NLGN1: variants seen among roughly 807,000 people sequenced by gnomAD.
NLGN1 encodes neuroligin-1.
In NLGN1, 12 loss-of-function variants were observed where a neutral mutation model predicts 65.5. The observed-to-expected ratio is 0.18, with a 90% confidence interval of 0.12 to 0.30. The LOEUF (loss-of-function observed/expected upper bound fraction) is 0.30, where lower values mean the gene tolerates loss of function less well. Ranked by LOEUF, NLGN1 falls within the 10% of genes least tolerant of loss-of-function variation. The pLI is 1.00. For synonymous variants in NLGN1, 350 were observed against 359.5 expected (o/e 0.97, Z 0.30); for missense variants, 750 against 1,007.1 (o/e 0.74, Z 3.46).
chr3:174,020,064 T>C (rs1727421967), intron 4 of NLGN1, among the ~76,000 whole-genome samples: 1 of 152,130 alleles, frequency 6.6e-6, no homozygotes, highest in Admixed American at 6.6e-5. Flanking sequence ...TGTATTTTAA[T>C]GCACACTTCT....
chr3:174,294,365 T>C, the NLGN1 span, among the ~76,000 whole-genome samples: 1 of 151,754 alleles, frequency 6.6e-6, no homozygotes, highest in Non-Finnish European at 1.5e-5. Flanking sequence ...AATCAGTACT[T>C]TTGGTCATGT....
chr3:173,497,968 G>C (rs1285481247), intron 2 of NLGN1, among the ~76,000 whole-genome samples: 1 of 151,574 alleles, frequency 6.6e-6, no homozygotes, highest in Non-Finnish European at 1.5e-5. Flanking sequence ...CTTTTTATAA[G>C]GTTTTAGTTA....
chr3:173,788,537 A>G (rs997849759), intron 3 of NLGN1, among the ~76,000 whole-genome samples: 15 of 152,220 alleles, frequency 9.9e-5, no homozygotes, highest in Admixed American at 7.2e-4. Context: ...TGATCCTATG[A>G]AATTGGTATA....
chr3:173,744,367 A>T (rs1435092858), intron 3 of NLGN1, among the ~76,000 whole-genome samples: 1 of 152,114 alleles, frequency 6.6e-6, no homozygotes, highest in African/African-American at 2.4e-5. Context: ...GGAGGCAATG[A>T]TAAGTAAAAG....
chr3:174,119,586 T>A (rs2152641327), intron 4 of NLGN1, among the ~76,000 whole-genome samples: 1 of 152,318 alleles, frequency 6.6e-6, no homozygotes, highest in East Asian at 1.9e-4. Flanking sequence ...TAACACATGC[T>A]ATTGTTAGAG....
At chr3:173,780,641 C>A (rs1165517786) in intron 3 of NLGN1, among the ~76,000 whole-genome samples, 2 of 152,048 alleles carry the variant, frequency 1.3e-5, no homozygotes, top group Non-Finnish European at 2.9e-5. Context: ...AGTATTATAA[C>A]TAGAGAAATT....
intron 3 of NLGN1, among the ~76,000 whole-genome samples, chr3:173,625,911 A>G (rs9814896): frequency 0.19 from 28,733 of 152,012 alleles, 3,032 homozygotes; most frequent in African/African-American, 0.27. Flanking sequence ...GTTACACTAT[A>G]AAAGATGATA....
intron 4 of NLGN1, among the ~76,000 whole-genome samples, chr3:174,222,627 C>A (rs1002945910): frequency 6.6e-6 from 1 of 152,218 alleles, no homozygotes; most frequent in Admixed American, 6.5e-5. Context: ...GACACAAAAT[C>A]TCATTAGATT....
chr3:173,738,284 A>G (rs1165015745), intron 3 of NLGN1, among the ~76,000 whole-genome samples: 2 of 151,414 alleles, frequency 1.3e-5, no homozygotes, highest in African/African-American at 4.8e-5. Flanking sequence ...TTTTCTTGTT[A>G]TTTGTGCTTT....
At chr3:173,694,136 A>G (rs573637516) in intron 3 of NLGN1, among the ~76,000 whole-genome samples, 1 of 152,212 alleles carries the variant, frequency 6.6e-6, no homozygotes, top group South Asian at 2.1e-4. Flanking sequence ...TGTATGATTT[A>G]TATTGCTTGT....
At chr3:174,119,107 G>A (rs866487263) in intron 4 of NLGN1, among the ~76,000 whole-genome samples, 40 of 152,070 alleles carry the variant, frequency 2.6e-4, no homozygotes, top group Non-Finnish European at 2.8e-4. Flanking sequence ...AGTAATACAT[G>A]TCTTTTATTG....
chr3:174,223,555 T>C (rs896244365), intron 4 of NLGN1, among the ~76,000 whole-genome samples: 1 of 152,146 alleles, frequency 6.6e-6, no homozygotes. Context: ...TGCCTTCAAC[T>C]AACACCTGCC....
chr3:174,028,935 A>T (rs1039296540), intron 4 of NLGN1, among the ~76,000 whole-genome samples: 7 of 152,080 alleles, frequency 4.6e-5, no homozygotes, highest in African/African-American at 1.7e-4. Flanking sequence ...CATCCCAGCC[A>T]TGGCTAAAAG....
rs115455774 is a variant in NLGN1, at chr3:173,556,714, G to A, written c.-320-47565G>A. ...TAGCTACTAGGGAGGCTGAGTAGGA[G>A]GATTGCTTAAGCCTAGGATGTCAAG... On this transcript the variant is annotated intron_variant, in intron 2 of 6. Coordinates refer to ENST00000457714, the Ensembl canonical transcript of NLGN1. Among the ~76,000 whole-genome samples the A allele has an allele frequency of 5.6e-3, 845 of 152,098 alleles. 10 individuals are homozygous for A. The highest frequency in any genetic ancestry group is 0.019 in the African/African-American group (803 of 41,472).
At chr3:173,984,807 G>A (rs2152399805) in intron 4 of NLGN1, among the ~76,000 whole-genome samples, 1 of 152,312 alleles carries the variant, frequency 6.6e-6, no homozygotes, top group South Asian at 2.1e-4. Context: ...ACTTTGGGAG[G>A]CTGAGGCAGG....
intron 4 of NLGN1, among the ~76,000 whole-genome samples, chr3:174,261,853 G>A (rs201868230): frequency 0.015 from 2,292 of 148,160 alleles, 50 homozygotes; most frequent in African/African-American, 0.035. Flanking sequence ...TTTGAAATAC[G>A]TCCCATCAAT....
chr3:174,111,638 A>G (rs188737869), intron 4 of NLGN1, among the ~76,000 whole-genome samples: 1 of 151,896 alleles, frequency 6.6e-6, no homozygotes, highest in African/African-American at 2.4e-5. Context: ...ATAAAACCCT[A>G]AAAAAAGGAA....
intron 4 of NLGN1, among the ~76,000 whole-genome samples, chr3:173,913,014 C>T (rs981569590): frequency 3.3e-5 from 5 of 152,124 alleles, no homozygotes; most frequent in Admixed American, 2.6e-4. Flanking sequence ...ACAACAGCGA[C>T]TAGAATGCAT....
At chr3:173,968,756 T>C (rs1426362770) in intron 4 of NLGN1, among the ~76,000 whole-genome samples, 3 of 131,396 alleles carry the variant, frequency 2.3e-5, no homozygotes, top group Non-Finnish European at 4.7e-5. Flanking sequence ...TGGAGTGCAA[T>C]GGCGCAATCT....
Sources: gnomAD v4.1 joint callset for allele counts (sites outside exome capture counted in the v4.1 genomes callset) on GRCh38, gnomAD v4.1.1 for gene constraint, MANE v1.5 for transcripts, NCBI Gene and HGNC (gene_info 2026-07-23, HGNC 2026-07-21) for gene names.